Variants in SEMA3E observed in about 807,000 individuals in gnomAD.
SEMA3E encodes the protein semaphorin-3E.
Under a neutral mutation model 93.6 loss-of-function variants are expected in SEMA3E, and 49 were observed. The observed-to-expected ratio is 0.52, with a 90% CI of 0.42 to 0.66. The LOEUF is 0.66. Ranked by LOEUF, SEMA3E falls within the 30% of genes least tolerant of loss-of-function variation. SEMA3E has a pLI of 0.00. For missense variants in SEMA3E, 906 were observed against 964.8 expected, an observed-to-expected ratio of 0.94 and a Z score of 0.81; for synonymous variants, 363 against 330.7, an observed-to-expected ratio of 1.10 and a Z score of -1.06.
At chr7:83,475,445 G>T (rs1789989911) in intron 2 of SEMA3E, among the ~76,000 whole-genome samples, 1 of 152,150 alleles carries the variant, frequency 6.6e-6, no homozygotes, top group South Asian at 2.1e-4. Flanking sequence ...GACCAGGATA[G>T]TAAAGATTCG....
intron 1 of SEMA3E, among the ~76,000 whole-genome samples, chr7:83,535,986 G>A (rs541620055): frequency 1.3e-4 from 20 of 152,080 alleles, no homozygotes; most frequent in Admixed American, 5.2e-4. Flanking sequence ...TCCCCAAGTG[G>A]CACAAATGAT....
chr7:83,507,712 A>C (rs1216768299), intron 1 of SEMA3E, among the ~76,000 whole-genome samples: 2 of 151,872 alleles, frequency 1.3e-5, no homozygotes, highest in Non-Finnish European at 2.9e-5. Context: ...CCAAGGTGGG[A>C]GGATCATTTG....
chr7:83,588,559 G>A (rs748025025), intron 1 of SEMA3E, among the ~76,000 whole-genome samples: 1 of 152,094 alleles, frequency 6.6e-6, no homozygotes, highest in Non-Finnish European at 1.5e-5. Context: ...GAATATTAAA[G>A]CAATGCCATC....
chr7:83,496,503 T>G (rs1790494095), intron 1 of SEMA3E, among the ~76,000 whole-genome samples: 1 of 152,032 alleles, frequency 6.6e-6, no homozygotes, highest in African/African-American at 2.4e-5. Context: ...CCGAAATAAT[T>G]ACAAATTTTT....
intron 4 of SEMA3E, chr7:83,424,871 G>A (rs1383316699): frequency 7.8e-6 from 2 of 256,872 alleles, no homozygotes; most frequent in Non-Finnish European, 1.6e-5. Context: ...ATGGAGGAAT[G>A]GGGCCCTGAC....
intron 4 of SEMA3E, among the ~76,000 whole-genome samples, chr7:83,445,109 G>C (rs181919448): frequency 1.3e-5 from 2 of 152,330 alleles, no homozygotes; most frequent in African/African-American, 4.8e-5. Context: ...TTACCAACTA[G>C]AAGGCTGTAG....
intron 10 of SEMA3E, among the ~76,000 whole-genome samples, chr7:83,400,686 T>A (rs1449505077): frequency 2.0e-5 from 3 of 152,152 alleles, no homozygotes; most frequent in Non-Finnish European, 2.9e-5. Context: ...GCACAAGATA[T>A]ACAGAGAAAC....
chr7:83,543,471 G>T (rs1263571175), intron 1 of SEMA3E, among the ~76,000 whole-genome samples: 1 of 151,952 alleles, frequency 6.6e-6, no homozygotes, highest in Non-Finnish European at 1.5e-5. Context: ...TAAACTCAAA[G>T]TTGTGTTTTG....
At chr7:83,387,085 T>C (rs1787896727) in intron 14 of SEMA3E, 35 bp from the exon 15 acceptor site, 2 of 1,595,860 alleles carry the variant, frequency 1.3e-6, no homozygotes, top group Non-Finnish European at 8.6e-7. Context: ...ATGTTCATTT[T>C]TTCAATTTTC....
chr7:83,412,209 A>C lies in SEMA3E; in HGVS notation c.551-3722T>G, dbSNP rs565310789. Among the ~76,000 whole-genome samples the C allele has an allele frequency of 5.9e-5, 9 of 152,040 alleles. No individual in the cohort carries two copies. The East Asian group carries it at 1.6e-3, about 26-fold the overall frequency. ...TTTCCATGACACCTTGTCTGGCCAA[A>C]CTTTTTTAGTGTAGTGGTTCCTAGT... On this transcript the variant is annotated intron_variant, in intron 5 of 16. Transcript: ENST00000643230.
intron 1 of SEMA3E, among the ~76,000 whole-genome samples, chr7:83,608,743 A>G (rs1024363795): frequency 6.6e-6 from 1 of 152,126 alleles, no homozygotes; most frequent in Non-Finnish European, 1.5e-5. Context: ...ATTCGTATGC[A>G]AGATTTTTAG....
Position 83,390,225 on chromosome 7 carries a change from GCGCGTATATA to G in SEMA3E, c.1667+2320_1667+2329del, listed in dbSNP as rs1562758816. On this transcript the variant is annotated intron_variant, in intron 14 of 16. Coordinates refer to ENST00000643230, the MANE Select transcript of SEMA3E (RefSeq NM_012431.3). The stretch of plus-strand genomic sequence containing the variant: ...TGTGCACATATATGCGCGTATATAT[GCGCGTATATA>G]TGCGCGTATATATGCGCGTATATAT... Among the ~76,000 whole-genome samples, 31 of 17,762 alleles carry G rather than the reference GCGCGTATATA, an allele frequency of 1.7e-3. 11 individuals are homozygous for G. The highest frequency in any genetic ancestry group is 0.012 in the Admixed American group (15 of 1,268). 11.7% of individuals were successfully genotyped at this position (17,762 alleles called of 152,430 possible).
At chr7:83,396,043 G>GTA (rs1275048210) in intron 12 of SEMA3E, among the ~76,000 whole-genome samples, 1 of 61,064 alleles carries the variant, frequency 1.6e-5, no homozygotes, top group Non-Finnish European at 3.1e-5. Flanking sequence ...ACGACTTGAT[G>GTA]TGTGTGTGTG....
intron 4 of SEMA3E, 133 bp downstream of exon 4, chr7:83,466,349 T>C (rs1789754980): frequency 9.4e-7 from 1 of 1,062,430 alleles, no homozygotes; most frequent in African/African-American, 1.6e-5. Context: ...ATAATTTCTC[T>C]GTCTCAAGCA....
chr7:83,489,968 G>T, intron 2 of SEMA3E, 146 bp downstream of exon 2: 1 of 741,374 alleles, frequency 1.3e-6, no homozygotes, highest in Non-Finnish European at 2.2e-6. Context: ...TCCTCAAAAT[G>T]ATTTCAGTTT....
At chr7:83,580,837 C>T (rs931721654) in intron 1 of SEMA3E, among the ~76,000 whole-genome samples, 3 of 151,772 alleles carry the variant, frequency 2.0e-5, no homozygotes, top group African/African-American at 7.3e-5. Context: ...GCACTAAATG[C>T]TGTGAATATT....
chr7:83,615,463 A>T (rs931880188), intron 1 of SEMA3E, among the ~76,000 whole-genome samples: 12 of 152,204 alleles, frequency 7.9e-5, no homozygotes, highest in Admixed American at 3.9e-4. Flanking sequence ...GACCCAGAGG[A>T]AAAAATAGGC....
At chr7:83,451,438 A>T (rs551962022) in intron 4 of SEMA3E, among the ~76,000 whole-genome samples, 1 of 152,348 alleles carries the variant, frequency 6.6e-6, no homozygotes, top group African/African-American at 2.4e-5. Flanking sequence ...TTGGAGTTTT[A>T]CATCAAGGCA....
At chr7:83,508,424 G>A (rs534069042) in intron 1 of SEMA3E, among the ~76,000 whole-genome samples, 24 of 151,890 alleles carry the variant, frequency 1.6e-4, no homozygotes, top group African/African-American at 4.3e-4. Context: ...CACCACACCC[G>A]GCTAATTTTG....
Sources: gnomAD v4.1 joint callset for allele counts (sites outside exome capture counted in the v4.1 genomes callset) on GRCh38, gnomAD v4.1.1 for gene constraint, MANE v1.5 for transcripts, NCBI Gene and HGNC (gene_info 2026-07-23, HGNC 2026-07-21) for gene names.